Variants in FLVCR2 observed in about 807,000 individuals in gnomAD.
FLVCR2 encodes FLVCR choline and putative heme transporter 2.
A neutral mutation model predicts 48.9 loss-of-function variants in FLVCR2; 38 were observed. That is an observed-to-expected ratio of 0.78 (90% CI 0.60 to 1.02). The LOEUF (loss-of-function observed/expected upper bound fraction) is 1.02. Among genes scored for constraint, FLVCR2 ranks in the 50% least tolerant of loss-of-function variants. The pLI is 0.00. For missense variants in FLVCR2, 664 were observed against 663.3 expected (o/e 1.00, Z -0.01); for synonymous variants, 255 against 257.0 (o/e 0.99, Z 0.07).
At chr14:75,603,880 G>A (rs776572331) in intron 1 of FLVCR2, among the ~76,000 whole-genome samples, 35 of 152,160 alleles carry the variant, frequency 2.3e-4, no homozygotes, top group Non-Finnish European at 4.4e-4. Context: ...GCCCACAAAG[G>A]GGTCAAGGAA....
chr14:75,638,362 G>A lies in FLVCR2; in HGVS notation c.1125-990G>A, dbSNP rs1215195391. ...TGAGGCAGAAGAATCGCTTGAACCC[G>A]GGAGGCAGAGGTTGCAGTGAGCTGA... On this transcript the variant is annotated intron_variant, in intron 5 of 9. Coordinates refer to ENST00000238667, the MANE Select transcript of FLVCR2 (RefSeq NM_017791.3). 5.9e-5 allele frequency among the ~76,000 whole-genome samples: 9 copies of A among 152,216 alleles called. No homozygotes were observed. The East Asian group carries it at 9.7e-4, about 16-fold the overall frequency.
chr14:75,624,303 C>T (rs1020556604), intron 2 of FLVCR2, among the ~76,000 whole-genome samples: 2 of 147,564 alleles, frequency 1.4e-5, no homozygotes, highest in South Asian at 4.3e-4. Flanking sequence ...GTGGAGGTTG[C>T]AGTAAGCCGA....
chr14:75,579,398 T>C lies in FLVCR2; in HGVS notation c.426T>C (p.Ala142=), dbSNP rs867360145. Reference sequence around the variant, plus strand: ...ACATCCCTCTGCTCCTGCCAGTGGCTTGGCTGCTGGAGAAGTTCGGCCTGC... The same window carrying C: ...ACATCCCTCTGCTCCTGCCAGTGGCCTGGCTGCTGGAGAAGTTCGGCCTGC... ...LTYIPLLLPV[A]WLLEKFGLRT... Residue 142 remains alanine, a synonymous_variant, in exon 1 of 10, where the codon GCT becomes GCC. Coordinates refer to ENST00000238667, the MANE Select transcript of FLVCR2 (RefSeq NM_017791.3). 1 of 1,614,204 alleles carries C rather than the reference T, an allele frequency of 6.2e-7. No individual in the cohort carries two copies. The highest frequency in any genetic ancestry group is 1.6e-4 in the Middle Eastern group (1 of 6,062).
At chr14:75,604,268 G>A (rs1889237850) in intron 1 of FLVCR2, 2 of 152,208 alleles carry the variant, frequency 1.3e-5, no homozygotes, top group South Asian at 4.1e-4. Flanking sequence ...GGAGAATACT[G>A]TCGCTAGATC....
chr14:75,634,526 C>CA, intron 4 of FLVCR2, among the ~76,000 whole-genome samples: 1 of 151,940 alleles, frequency 6.6e-6, no homozygotes, highest in African/African-American at 2.4e-5. Flanking sequence ...ATTGATAGTT[C>CA]AAAAAAACCT....
At chr14:75,602,265 G>A (rs1420349157) in intron 1 of FLVCR2, among the ~76,000 whole-genome samples, 2 of 152,194 alleles carry the variant, frequency 1.3e-5, no homozygotes, top group Non-Finnish European at 2.9e-5. Context: ...AGGGGGATGG[G>A]GTTGTACATT....
intron 1 of FLVCR2, among the ~76,000 whole-genome samples, chr14:75,600,345 T>C (rs1346607692): frequency 6.6e-6 from 1 of 152,204 alleles, no homozygotes; most frequent in Non-Finnish European, 1.5e-5. Flanking sequence ...AATCCACATC[T>C]TGTTTAGCAT....
At position 75,646,538 on chromosome 14, in the gene FLVCR2, G is replaced by A. The variant is rs1017235882; in HGVS notation, c.*66G>A. Reference sequence around the variant, plus strand: ...CTTTTCCTTCAGCACAGCTCTCACCGCCAGCACAAAGGGCTTCGCTAGAGA... The same window carrying A: ...CTTTTCCTTCAGCACAGCTCTCACCACCAGCACAAAGGGCTTCGCTAGAGA... On this transcript the variant is annotated 3_prime_UTR_variant, in exon 10 of 10. Transcript: ENST00000238667. 5 of 1,178,116 alleles carry A rather than the reference G, an allele frequency of 4.2e-6. No homozygotes were observed. Among genetic ancestry groups the A allele is most frequent in the Non-Finnish European group, 6.4e-6 (5 of 785,996 alleles). The allele number at this position is 1,178,116 out of a possible 1,614,324, so 73.0% of individuals were successfully genotyped here. A position where few individuals can be genotyped will look rare whatever the true frequency, so the allele number is the denominator to read the frequency against.
intron 1 of FLVCR2, among the ~76,000 whole-genome samples, chr14:75,594,610 T>A (rs1170964942): frequency 6.6e-6 from 1 of 152,194 alleles, no homozygotes; most frequent in Non-Finnish European, 1.5e-5. Context: ...CATCATAACA[T>A]GGCAGGAGCC....
At chr14:75,615,105 T>C (rs1474434406) in intron 1 of FLVCR2, among the ~76,000 whole-genome samples, 2 of 152,220 alleles carry the variant, frequency 1.3e-5, no homozygotes, top group Non-Finnish European at 2.9e-5. Flanking sequence ...CACCTTGAAG[T>C]TCTTTAAGCA....
At chr14:75,615,359 G>T (rs1357721551) in intron 1 of FLVCR2, among the ~76,000 whole-genome samples, 1 of 152,220 alleles carries the variant, frequency 6.6e-6, no homozygotes, top group African/African-American at 2.4e-5. Context: ...AGAGAAGGAA[G>T]TGAAGCAGAA....
chr14:75,583,924 A>G (rs749220341), intron 1 of FLVCR2, among the ~76,000 whole-genome samples: 79 of 152,148 alleles, frequency 5.2e-4, no homozygotes, highest in Non-Finnish European at 8.5e-4. Context: ...TTCCGAGGCG[A>G]TTGGGCAGCG....
chr14:75,633,661 A>G lies in FLVCR2; in HGVS notation c.985A>G (p.Thr329Ala), dbSNP rs1321966148. The G allele has an allele frequency of 1.9e-6, 3 of 1,613,604 alleles. No individual in the cohort carries two copies. The highest frequency in any genetic ancestry group is 2.5e-6 in the Non-Finnish European group (3 of 1,179,908). Residue 329 changes from threonine to alanine, a missense_variant, in exon 4 of 10, where the codon ACT becomes GCT. Physicochemically the swap from Thr to Ala is moderately conservative, Grantham distance 58 (BLOSUM62 0). Transcript: ENST00000238667. ...TGCTGGTGCTTTTTATGCCTTGTCC[A>G]CTCTTCTGAATCGCATGGTGATCTG... is the stretch of plus-strand genomic sequence containing the variant. ...LNAGAFYALSTLLNRMVIWHY... is the reference protein window; with the variant it reads ...LNAGAFYALSALLNRMVIWHY...
In FLVCR2 at chr14:75,641,858, ATC is replaced by A. The variant is rs1890314020; in HGVS notation, c.1472_1473del (p.Leu491ProfsTer11). The A allele has an allele frequency of 6.2e-7, 1 of 1,613,994 alleles. No homozygotes were observed. The highest frequency in any genetic ancestry group is 1.1e-5 in the South Asian group (1 of 91,086). On this transcript the variant is annotated frameshift_variant, in exon 9 of 10. Coordinates refer to ENST00000238667, the MANE Select transcript of FLVCR2 (RefSeq NM_017791.3). LOFTEE classifies it high-confidence loss of function. Reference sequence around the variant, plus strand: ...TCAACCTTAGCATTCATTAAGGCAGATCTCCGGAGACAGAAAGCAAACAAAGA... The same window carrying A: ...TCAACCTTAGCATTCATTAAGGCAGATCCGGAGACAGAAAGCAAACAAAGA...
At position 75,578,679 on chromosome 14, in the gene FLVCR2, C is replaced by A. The variant is rs1362695596; in HGVS notation, c.-294C>A. The A allele has an allele frequency of 1.9e-6, 1 of 522,378 alleles. No individual in the cohort carries two copies. The highest frequency in any genetic ancestry group is 1.9e-5 in the African/African-American group (1 of 52,044). 32.4% of individuals were successfully genotyped at this position (522,378 alleles called of 1,614,324 possible). On this transcript the variant is annotated 5_prime_UTR_variant, in exon 1 of 10. Transcript: ENST00000238667. Reference sequence around the variant, plus strand: ...GAGAACTTTTCCTGCACAAGGAACGCCTCGTGGGGAGACCCAAGGCAGGAG... The same window carrying A: ...GAGAACTTTTCCTGCACAAGGAACGACTCGTGGGGAGACCCAAGGCAGGAG...
rs750479256 is a variant in FLVCR2, at chr14:75,579,619, C to T, written c.647C>T (p.Ser216Phe). ...GCTAATGAGGTTTCAACAGCCTGCT[C>T]CGTGGCTGTCTTTGGCAATCAGGTA... ...FGANEVSTAC[S>F]VAVFGNQLGI... The change falls in exon 1 of 10, where the codon TCC becomes TTC. Residue 216 changes from serine (S) to phenylalanine (F), a missense_variant. Transcript: ENST00000238667. 1.2e-5 allele frequency: 19 copies of T among 1,613,996 alleles called. No homozygotes were observed. Among genetic ancestry groups the T allele is most frequent in the Admixed American group, 1.7e-5 (1 of 60,008 alleles).
intron 6 of FLVCR2, 67 bp downstream of exon 6, chr14:75,639,529 C>G: frequency 2.7e-6 from 3 of 1,114,118 alleles, no homozygotes; most frequent in Non-Finnish European, 4.1e-6. Flanking sequence ...TTCCAGCATC[C>G]TAGAATGCAA....
At chr14:75,613,737 G>A (rs1232850971) in intron 1 of FLVCR2, among the ~76,000 whole-genome samples, 1 of 152,072 alleles carries the variant, frequency 6.6e-6, no homozygotes, top group Non-Finnish European at 1.5e-5. Context: ...TTTTAGTAGA[G>A]ATAGGGTTTC....
At chr14:75,629,309 T>G (rs959159815) in intron 3 of FLVCR2, among the ~76,000 whole-genome samples, 1 of 152,242 alleles carries the variant, frequency 6.6e-6, no homozygotes, top group Non-Finnish European at 1.5e-5. Context: ...TGTATTTATT[T>G]GCTATTTTTT....
Sources: gnomAD v4.1 joint callset for allele counts (sites outside exome capture counted in the v4.1 genomes callset) on GRCh38, gnomAD v4.1.1 for gene constraint, MANE v1.5 for transcripts, NCBI Gene and HGNC (gene_info 2026-07-23, HGNC 2026-07-21) for gene names.